Variants in NCAM2 observed in about 807,000 individuals in gnomAD.
NCAM2 encodes the protein N-CAM-2.
A neutral mutation model predicts 98.1 loss-of-function variants in NCAM2; 30 were observed. The observed-to-expected ratio is 0.31, with a 90% CI of 0.23 to 0.41. NCAM2 has a LOEUF of 0.41. Ranked by LOEUF, NCAM2 falls within the 10% of genes least tolerant of loss-of-function variation. The probability of loss-of-function intolerance (pLI) is 1.00; values close to 1 mark genes in which losing one functional copy is unlikely to be tolerated. For missense variants in NCAM2, 867 were observed against 1,005.8 expected, an observed-to-expected ratio of 0.86 and a Z score of 1.87; for synonymous variants, 368 against 342.4, an observed-to-expected ratio of 1.07 and a Z score of -0.83.
intron 1 of NCAM2, among the ~76,000 whole-genome samples, chr21:21,068,951 C>G (rs547049581): frequency 2.1e-4 from 32 of 152,216 alleles, no homozygotes; most frequent in African/African-American, 7.5e-4. Context: ...ATTTCCATGG[C>G]CAAATGCTTT....
chr21:21,432,077 T>C, intron 11 of NCAM2, 31 bp from the exon 12 acceptor site: 1 of 1,598,520 alleles, frequency 6.3e-7, no homozygotes, highest in Non-Finnish European at 8.6e-7. Context: ...ATTCCCTTGG[T>C]TATGTTTTCT....
chr21:21,453,591 T>G (rs1176591894), intron 12 of NCAM2, among the ~76,000 whole-genome samples: 1 of 152,032 alleles, frequency 6.6e-6, no homozygotes, highest in African/African-American at 2.4e-5. Flanking sequence ...AAGGGATCAT[T>G]TTGAGTAGGG....
chr21:21,026,078 A>T (rs4816840), intron 1 of NCAM2, among the ~76,000 whole-genome samples: 2 of 152,076 alleles, frequency 1.3e-5, no homozygotes, highest in African/African-American at 4.8e-5. Context: ...GAGTGCTGAG[A>T]ACTTGGGAAG....
At chr21:21,220,612 C>G (rs1308031107) in intron 1 of NCAM2, among the ~76,000 whole-genome samples, 4 of 152,074 alleles carry the variant, frequency 2.6e-5, no homozygotes, top group Non-Finnish European at 5.9e-5. Context: ...ATGAACTATT[C>G]CTCTTATTTC....
intron 1 of NCAM2, among the ~76,000 whole-genome samples, chr21:21,231,478 T>C (rs1259667129): frequency 1.3e-5 from 2 of 151,450 alleles, no homozygotes; most frequent in Non-Finnish European, 3.0e-5. Context: ...ATTATAAGTA[T>C]AATTTTATAC....
At chr21:21,360,473 A>T (rs577233873) in intron 8 of NCAM2, among the ~76,000 whole-genome samples, 1 of 152,098 alleles carries the variant, frequency 6.6e-6, no homozygotes, top group South Asian at 2.1e-4. Flanking sequence ...CAGAAGTTAC[A>T]TGATTTTTAG....
chr21:21,449,695 C>T (rs544035793), intron 12 of NCAM2, among the ~76,000 whole-genome samples: 2 of 151,754 alleles, frequency 1.3e-5, no homozygotes, highest in South Asian at 2.1e-4. Flanking sequence ...TATAAATGTC[C>T]TCAAAGGTTA....
chr21:21,273,082 GT>G (rs2072589793), intron 1 of NCAM2, among the ~76,000 whole-genome samples: 1 of 152,060 alleles, frequency 6.6e-6, no homozygotes, highest in Non-Finnish European at 1.5e-5. Flanking sequence ...TGAGTCTCAA[GT>G]GCTTGAGAAG....
intron 5 of NCAM2, among the ~76,000 whole-genome samples, chr21:21,321,158 T>C (rs182191881): frequency 6.6e-6 from 1 of 152,324 alleles, no homozygotes; most frequent in East Asian, 1.9e-4. Context: ...ATTTTTCTGA[T>C]GATTAGTGAT....
At chr21:21,332,258 C>T (rs181462122) in intron 6 of NCAM2, among the ~76,000 whole-genome samples, 57 of 152,082 alleles carry the variant, frequency 3.7e-4, no homozygotes, top group African/African-American at 1.3e-3. Context: ...TTTTGGGGTG[C>T]TGAATATTTT....
chr21:21,049,422 T>A (rs140888561), intron 1 of NCAM2, among the ~76,000 whole-genome samples: 3 of 152,262 alleles, frequency 2.0e-5, no homozygotes, highest in African/African-American at 7.2e-5. Flanking sequence ...CATGTTTGAT[T>A]CTTTTTAATA....
intron 1 of NCAM2, among the ~76,000 whole-genome samples, chr21:21,229,400 A>T (rs1601708019): frequency 6.6e-6 from 1 of 151,568 alleles, no homozygotes; most frequent in Non-Finnish European, 1.5e-5. Context: ...CTTTAATAAG[A>T]TGTCACTTTA....
intron 8 of NCAM2, among the ~76,000 whole-genome samples, chr21:21,364,065 G>A (rs1315009696): frequency 6.6e-6 from 1 of 151,958 alleles, no homozygotes; most frequent in Non-Finnish European, 1.5e-5. Flanking sequence ...AAACTGAAAA[G>A]CAACTCAGTG....
chr21:21,136,282 C>G (rs2067047701), intron 1 of NCAM2, among the ~76,000 whole-genome samples: 1 of 152,132 alleles, frequency 6.6e-6, no homozygotes, highest in Admixed American at 6.5e-5. Context: ...ATAGCCATAA[C>G]TAACTTTAAG....
At chr21:20,999,352 TA>T (rs573704807) in intron 1 of NCAM2, among the ~76,000 whole-genome samples, 299 of 145,704 alleles carry the variant, frequency 2.1e-3, no homozygotes, top group Middle Eastern at 7.2e-3. Flanking sequence ...TTTTATCTCT[TA>T]AAAAAAAAAA....
At chr21:21,021,359 T>C (rs2064431514) in intron 1 of NCAM2, among the ~76,000 whole-genome samples, 1 of 152,156 alleles carries the variant, frequency 6.6e-6, no homozygotes, top group Non-Finnish European at 1.5e-5. Flanking sequence ...AAAGCAAAGT[T>C]GATGATGACT....
At chr21:21,139,299 A>C (rs2146647546) in intron 1 of NCAM2, among the ~76,000 whole-genome samples, 1 of 152,362 alleles carries the variant, frequency 6.6e-6, no homozygotes, top group East Asian at 1.9e-4. Context: ...TTCAGAGGGA[A>C]TGTGTCCCTG....
At chr21:21,065,210 C>A (rs1387649836) in intron 1 of NCAM2, among the ~76,000 whole-genome samples, 1 of 151,344 alleles carries the variant, frequency 6.6e-6, no homozygotes, top group African/African-American at 2.4e-5. Flanking sequence ...AACAAAAAAA[C>A]AAAACAAAAC....
chr21:21,111,324 A>G (rs953751097), intron 1 of NCAM2, among the ~76,000 whole-genome samples: 4 of 152,194 alleles, frequency 2.6e-5, no homozygotes, highest in African/African-American at 4.8e-5. Context: ...AGAGTTGTGC[A>G]TTGAGGATTG....
Sources: allele counts gnomAD v4.1 joint callset (sites outside exome capture counted in the v4.1 genomes callset), GRCh38; gene constraint gnomAD v4.1.1; transcripts MANE v1.5; gene names NCBI Gene and HGNC (gene_info 2026-07-23, HGNC 2026-07-21).